COG6: variants seen among roughly 807,000 people sequenced by gnomAD.
COG6 encodes component of oligomeric golgi complex 6, also known as conserved oligomeric Golgi complex subunit 6.
A neutral mutation model predicts 88.8 loss-of-function variants in COG6; 74 were observed. The observed-to-expected ratio is 0.83, with a 90% CI of 0.69 to 1.01. COG6 has a LOEUF of 1.01. Ranked by LOEUF, COG6 falls within the 50% of genes least tolerant of loss-of-function variation. The pLI, the probability that COG6 is intolerant of heterozygous loss-of-function variation, is 0.00. For missense variants in COG6, 800 were observed against 797.9 expected, an observed-to-expected ratio of 1.00 and a Z score of -0.03; for synonymous variants, 286 against 278.7, an observed-to-expected ratio of 1.03 and a Z score of -0.26.
chr13:39,776,237 G>GGGA (rs1881460374), intron 18 of COG6, among the ~76,000 whole-genome samples: 1 of 152,208 alleles, frequency 6.6e-6, no homozygotes, highest in Non-Finnish European at 1.5e-5. Flanking sequence ...AGGCAGAGGA[G>GGGA]GGAGGAGGAG....
At chr13:39,695,345 GCTTTA>G (rs1275279918) in intron 12 of COG6, among the ~76,000 whole-genome samples, 1 of 151,498 alleles carries the variant, frequency 6.6e-6, no homozygotes, top group African/African-American at 2.4e-5. Context: ...ATTCATTTTT[GCTTTA>G]CTTACGTGTT....
intron 15 of COG6, among the ~76,000 whole-genome samples, chr13:39,720,384 G>A (rs1476395703): frequency 6.6e-6 from 1 of 151,838 alleles, no homozygotes; most frequent in East Asian, 1.9e-4. Context: ...GTAAAATTTA[G>A]TAGATAGTTG....
rs566619701 is a variant in COG6 at position 39,705,917 on chromosome 13, GT to G, written c.1284+6303del. ...GTGCTGTTCTGGTTGAATAGTTTGA[GT>G]TTTACATTATTCCTTACAGATGATT... On this transcript the variant is annotated intron_variant, in intron 13 of 18. Transcript: ENST00000455146. Among the ~76,000 whole-genome samples, 828 of 151,894 alleles carry G rather than the reference GT, an allele frequency of 5.5e-3. 8 individuals carry two copies. The highest frequency in any genetic ancestry group is 0.019 in the African/African-American group (787 of 41,458).
chr13:39,706,707 A>C (rs1049020950), intron 13 of COG6, among the ~76,000 whole-genome samples: 5 of 152,164 alleles, frequency 3.3e-5, no homozygotes, highest in African/African-American at 1.2e-4. Flanking sequence ...TGATTGGGTC[A>C]GAGTCTGTCT....
chr13:39,760,612 T>C (rs1279689999), intron 18 of COG6, among the ~76,000 whole-genome samples: 1 of 152,158 alleles, frequency 6.6e-6, no homozygotes, highest in Non-Finnish European at 1.5e-5. Context: ...CAAACCATAA[T>C]AGAATTTGCA....
At chr13:39,665,508 A>T (rs998641999) in intron 4 of COG6, among the ~76,000 whole-genome samples, 5 of 152,088 alleles carry the variant, frequency 3.3e-5, no homozygotes, top group African/African-American at 1.2e-4. Flanking sequence ...TTAAGCTATG[A>T]TATATCCTCT....
intron 18 of COG6, among the ~76,000 whole-genome samples, chr13:39,767,982 A>G (rs1593482016): frequency 6.6e-6 from 1 of 152,206 alleles, no homozygotes; most frequent in African/African-American, 2.4e-5. Flanking sequence ...GCACAAGAGC[A>G]GCCACAAGCC....
chr13:39,676,881 T>C (rs1343304063), intron 4 of COG6, among the ~76,000 whole-genome samples: 4 of 152,142 alleles, frequency 2.6e-5, no homozygotes, highest in Non-Finnish European at 5.9e-5. Flanking sequence ...CTAGTTTAGA[T>C]AGGTTGCACT....
chr13:39,721,077 T>C (rs865868294), intron 15 of COG6, among the ~76,000 whole-genome samples: 1 of 152,114 alleles, frequency 6.6e-6, no homozygotes, highest in Non-Finnish European at 1.5e-5. Flanking sequence ...ATTAATAACA[T>C]TTTTATTTAA....
intron 4 of COG6, among the ~76,000 whole-genome samples, chr13:39,666,910 G>A (rs981897491): frequency 5.3e-5 from 8 of 152,036 alleles, no homozygotes; most frequent in African/African-American, 1.4e-4. Context: ...TTCTTTACAC[G>A]TATAGGAAGT....
At chr13:39,734,237 C>G (rs986583833) in intron 18 of COG6, among the ~76,000 whole-genome samples, 1 of 152,038 alleles carries the variant, frequency 6.6e-6, no homozygotes, top group Admixed American at 6.6e-5. Flanking sequence ...TAGGCACTTA[C>G]AGCTACAAAG....
intron 13 of COG6, among the ~76,000 whole-genome samples, chr13:39,711,835 G>T (rs1305124082): frequency 6.6e-6 from 1 of 152,064 alleles, no homozygotes; most frequent in Non-Finnish European, 1.5e-5. Flanking sequence ...ACACACACCT[G>T]TACACATGAT....
intron 3 of COG6, among the ~76,000 whole-genome samples, 163 bp downstream of exon 3, chr13:39,661,044 G>C (rs1207646411): frequency 6.6e-6 from 1 of 151,994 alleles, no homozygotes; most frequent in Non-Finnish European, 1.5e-5. Flanking sequence ...TGTTTCTTTG[G>C]ATAATGATTT....
chr13:39,707,950 G>C (rs958285780), intron 13 of COG6, among the ~76,000 whole-genome samples: 1 of 152,124 alleles, frequency 6.6e-6, no homozygotes, highest in African/African-American at 2.4e-5. Flanking sequence ...AGCTTTACTA[G>C]ATATTGCTAA....
intron 3 of COG6, among the ~76,000 whole-genome samples, chr13:39,662,562 A>G (rs1874976273): frequency 6.6e-6 from 1 of 152,234 alleles, no homozygotes; most frequent in Non-Finnish European, 1.5e-5. Flanking sequence ...GCATCCATTC[A>G]AAGTGTTCAA....
At chr13:39,718,029 T>G (rs1335044622) in intron 13 of COG6, among the ~76,000 whole-genome samples, 1 of 152,210 alleles carries the variant, frequency 6.6e-6, no homozygotes, top group Non-Finnish European at 1.5e-5. Context: ...GACATGATTT[T>G]CTTCAGTCTT....
At chr13:39,742,076 C>A (rs1432204422) in intron 18 of COG6, among the ~76,000 whole-genome samples, 2 of 152,096 alleles carry the variant, frequency 1.3e-5, no homozygotes, top group Non-Finnish European at 2.9e-5. Context: ...TACTACCAGG[C>A]CTGCCTTATA....
At chr13:39,689,613 A>G in intron 10 of COG6, 147 bp from the exon 11 acceptor site, 1 of 604,698 alleles carries the variant, frequency 1.7e-6, no homozygotes, top group South Asian at 2.2e-5. Flanking sequence ...AGAGATATCA[A>G]ACTTACTAAA....
rs909605576 is a variant in COG6, at chr13:39,715,104, T to G, written c.1285-4132T>G. Among the ~76,000 whole-genome samples the G allele has an allele frequency of 2.0e-5, 3 of 152,036 alleles. No individual in the cohort carries two copies. The East Asian group carries it at 5.8e-4, about 29-fold the overall frequency. ...ATGAAAAATTACATATTGGGCACGATATACACTACTTGGATGATGGGTGCA... is the reference window on the plus strand; with the variant it reads ...ATGAAAAATTACATATTGGGCACGAGATACACTACTTGGATGATGGGTGCA... On this transcript the variant is annotated intron_variant, in intron 13 of 18. Transcript: ENST00000455146.
Sources: allele counts gnomAD v4.1 joint callset (sites outside exome capture counted in the v4.1 genomes callset), GRCh38; gene constraint gnomAD v4.1.1; transcripts MANE v1.5; gene names NCBI Gene and HGNC (gene_info 2026-07-23, HGNC 2026-07-21).